The following GRM7 variants were observed in gnomAD, a reference collection of about 807,000 sequenced individuals.
GRM7 encodes glutamate metabotropic receptor 7, also known as metabotropic glutamate receptor 7.
In GRM7, 35 loss-of-function variants were observed where a neutral mutation model predicts 84.5. That is an observed-to-expected ratio of 0.41 (90% CI 0.32 to 0.55). The LOEUF (loss-of-function observed/expected upper bound fraction) is 0.55, where lower values mean the gene tolerates loss of function less well. GRM7 is among the 20% of genes least tolerant of loss of function. GRM7 has a pLI of 0.19. For missense variants in GRM7, 1,003 were observed against 1,194.6 expected, an observed-to-expected ratio of 0.84 and a Z score of 2.36; for synonymous variants, 487 against 455.1, an observed-to-expected ratio of 1.07 and a Z score of -0.89.
chr3:7,054,381 TATG>T (rs777181118), intron 1 of GRM7, among the ~76,000 whole-genome samples: 33 of 150,304 alleles, frequency 2.2e-4, no homozygotes, highest in Non-Finnish European at 4.4e-4. Context: ...TGATATCTTT[TATG>T]ATATATATAT....
intron 1 of GRM7, among the ~76,000 whole-genome samples, chr3:6,873,064 T>C (rs1461892596): frequency 1.3e-5 from 2 of 152,168 alleles, no homozygotes; most frequent in African/African-American, 4.8e-5. Context: ...GTTGAACTAA[T>C]TTTCACTCCC....
chr3:7,504,129 A>G (rs183896153), intron 7 of GRM7, among the ~76,000 whole-genome samples: 2 of 152,378 alleles, frequency 1.3e-5, no homozygotes, highest in African/African-American at 4.8e-5. Context: ...ATTTTGTGGT[A>G]TAATACTTTT....
intron 5 of GRM7, among the ~76,000 whole-genome samples, chr3:7,432,883 G>A (rs1169208076): frequency 1.3e-5 from 2 of 152,078 alleles, no homozygotes; most frequent in African/African-American, 4.8e-5. Context: ...GGAGGATAAG[G>A]GAGTTAATGC....
At chr3:7,364,873 G>A (rs1693813245) in intron 4 of GRM7, among the ~76,000 whole-genome samples, 2 of 151,796 alleles carry the variant, frequency 1.3e-5, no homozygotes, top group South Asian at 4.1e-4. Flanking sequence ...TAACCCACAT[G>A]ATAATAAATT....
chr3:7,580,638 A>G (rs1391017985), intron 8 of GRM7, among the ~76,000 whole-genome samples: 2 of 152,178 alleles, frequency 1.3e-5, no homozygotes, highest in Non-Finnish European at 2.9e-5. Context: ...AAAAAAGTAA[A>G]TATTTCATGA....
At chr3:6,944,462 A>G (rs932859081) in intron 1 of GRM7, among the ~76,000 whole-genome samples, 2 of 152,116 alleles carry the variant, frequency 1.3e-5, no homozygotes, top group African/African-American at 2.4e-5. Context: ...AAGTTTGTCA[A>G]TATGTTAAAT....
rs998602655 is a variant in GRM7 at position 7,568,976 on chromosome 3, C to T, written c.1516-9446C>T. The stretch of plus-strand genomic sequence containing the variant: ...TCGACCACCCAAGGGCTGAGGAGTG[C>T]GGGCGCACATTGGGGAACTGGCAGG... On this transcript the variant is annotated intron_variant, in intron 7 of 9. Transcript: ENST00000357716. Among the ~76,000 whole-genome samples the T allele has an allele frequency of 7.9e-5, 12 of 152,174 alleles. No homozygotes were observed. The South Asian group carries it at 8.3e-4, about 10-fold the overall frequency.
chr3:7,475,961 G>A (rs543854568), intron 7 of GRM7, among the ~76,000 whole-genome samples: 15 of 152,222 alleles, frequency 9.9e-5, no homozygotes, highest in African/African-American at 3.1e-4. Context: ...AAAATTTCCC[G>A]AGTCAAATCT....
chr3:6,869,476 T>G (rs780936558), intron 1 of GRM7, among the ~76,000 whole-genome samples: 38 of 151,930 alleles, frequency 2.5e-4, no homozygotes, highest in Non-Finnish European at 4.9e-4. Context: ...ATTTTGAATT[T>G]TGCTGTTTAA....
chr3:7,273,867 A>G (rs1262683704), intron 2 of GRM7, among the ~76,000 whole-genome samples: 2 of 151,964 alleles, frequency 1.3e-5, no homozygotes, highest in African/African-American at 4.8e-5. Flanking sequence ...TTTAAAGTGA[A>G]TATTTATATA....
intron 5 of GRM7, among the ~76,000 whole-genome samples, chr3:7,436,829 C>T (rs1021373873): frequency 6.6e-6 from 1 of 152,170 alleles, no homozygotes; most frequent in African/African-American, 2.4e-5. Flanking sequence ...ATGGGGCTCA[C>T]CTTCTGTGTT....
intron 4 of GRM7, among the ~76,000 whole-genome samples, chr3:7,344,211 A>G (rs921381963): frequency 6.6e-6 from 1 of 151,744 alleles, no homozygotes; most frequent in Non-Finnish European, 1.5e-5. Flanking sequence ...CCTAGTATCT[A>G]TTAGTTATTT....
chr3:7,319,212 G>T (rs1416829661), intron 4 of GRM7, among the ~76,000 whole-genome samples: 3 of 152,032 alleles, frequency 2.0e-5, no homozygotes, highest in Non-Finnish European at 2.9e-5. Flanking sequence ...TTAGGGGGTT[G>T]TGTGTACACC....
chr3:7,585,435 C>T (rs1313177776), intron 8 of GRM7, among the ~76,000 whole-genome samples: 1 of 151,038 alleles, frequency 6.6e-6, no homozygotes, highest in Non-Finnish European at 1.5e-5. Context: ...CCATCTTAGA[C>T]CCTTGCTTTA....
intron 4 of GRM7, among the ~76,000 whole-genome samples, chr3:7,390,273 G>T (rs1245260614): frequency 2.6e-5 from 4 of 152,016 alleles, no homozygotes; most frequent in African/African-American, 9.7e-5. Context: ...ATTTTCTCCA[G>T]CTGCTTTAAG....
chr3:6,923,559 A>C (rs1241331620), intron 1 of GRM7, among the ~76,000 whole-genome samples: 1 of 152,136 alleles, frequency 6.6e-6, no homozygotes, highest in African/African-American at 2.4e-5. Context: ...TTTAGAATTC[A>C]TCTCCTCTGT....
chr3:7,644,476 T>G (rs547189846), intron 8 of GRM7, among the ~76,000 whole-genome samples: 2 of 152,304 alleles, frequency 1.3e-5, no homozygotes, highest in Admixed American at 1.3e-4. Context: ...GAGAGTAACA[T>G]GATTTTTCTT....
chr3:7,137,375 GA>G (rs2125059191), intron 1 of GRM7, among the ~76,000 whole-genome samples: 1 of 152,108 alleles, frequency 6.6e-6, no homozygotes, highest in Non-Finnish European at 1.5e-5. Flanking sequence ...CTGATGACTT[GA>G]AAGAGTATGA....
At chr3:7,689,087 C>T (rs1409667156) in intron 9 of GRM7, among the ~76,000 whole-genome samples, 7 of 152,212 alleles carry the variant, frequency 4.6e-5, no homozygotes, top group Non-Finnish European at 1.0e-4. Context: ...AATCTGGCAT[C>T]ATCACCATGA....
Sources: gnomAD v4.1 joint callset for allele counts (sites outside exome capture counted in the v4.1 genomes callset) on GRCh38, gnomAD v4.1.1 for gene constraint, MANE v1.5 for transcripts, NCBI Gene and HGNC (gene_info 2026-07-23, HGNC 2026-07-21) for gene names.